The following MAT2B variants were observed in gnomAD, a reference collection of about 807,000 sequenced individuals.
The protein encoded by MAT2B is methionine adenosyltransferase 2 non-catalytic beta subunit.
In MAT2B, 16 loss-of-function variants were observed where a neutral mutation model predicts 36.1. The observed-to-expected ratio is 0.44, with a 90% CI of 0.30 to 0.67. The LOEUF (loss-of-function observed/expected upper bound fraction) is 0.67, where lower values mean the gene tolerates loss of function less well. Ranked by LOEUF, MAT2B falls within the 30% of genes least tolerant of loss-of-function variation. The probability of loss-of-function intolerance (pLI) is 0.09; values close to 1 mark genes in which losing one functional copy is unlikely to be tolerated. For synonymous variants in MAT2B, 148 were observed against 136.9 expected (o/e 1.08, Z -0.57); for missense variants, 332 against 398.2 (o/e 0.83, Z 1.42).
chr5:163,504,404 A>C (rs1759895075), upstream of MAT2B, among the ~76,000 whole-genome samples: 1 of 152,296 alleles, frequency 6.6e-6, no homozygotes. Flanking sequence ...TTATGTTTAC[A>C]CGAATAAGGA....
upstream of MAT2B, among the ~76,000 whole-genome samples, chr5:163,504,268 G>C (rs1435952147): frequency 6.6e-6 from 1 of 151,636 alleles, no homozygotes; most frequent in East Asian, 1.9e-4. Context: ...TTTAGCGCTG[G>C]GGCAGTCCTC....
intron 1 of MAT2B, among the ~76,000 whole-genome samples, chr5:163,506,444 T>G (rs299298): frequency 0.99 from 150,854 of 152,202 alleles, 74,770 homozygotes; most frequent in East Asian, 1. Context: ...GGTGCCCCCC[T>G]CGCCCCCGTC....
Position 163,517,872 on chromosome 5 carries a change from T to C in MAT2B, c.834+198T>C, listed in dbSNP as rs542042400. 3.4e-5 allele frequency: 17 copies of C among 506,112 alleles called. No individual in the cohort carries two copies. The South Asian group carries it at 5.7e-4, about 17-fold the overall frequency. The allele number at this position is 506,112 out of a possible 1,614,324, so 31.4% of individuals were successfully genotyped here. ...AGTTTGTAGAAAATGTATTATTGTC[T>C]TGATCATGACAGGCATTTGGTTTAT... On this transcript the variant is annotated intron_variant, in intron 6 of 6. Coordinates refer to ENST00000321757, the MANE Select transcript of MAT2B (RefSeq NM_013283.5).
At chr5:163,515,307 A>C (rs1760114227) in intron 4 of MAT2B, among the ~76,000 whole-genome samples, 2 of 152,240 alleles carry the variant, frequency 1.3e-5, no homozygotes, top group African/African-American at 4.8e-5. Context: ...ATAAAATCTA[A>C]ATATTAATGA....
upstream of MAT2B, among the ~76,000 whole-genome samples, chr5:163,504,007 T>C (rs1759889220): frequency 6.6e-6 from 1 of 152,214 alleles, no homozygotes; most frequent in Non-Finnish European, 1.5e-5. Flanking sequence ...TTAAATTCTT[T>C]CTGTTCCTCA....
chr5:163,504,574 T>C (rs1356507053), upstream of MAT2B, among the ~76,000 whole-genome samples: 2 of 152,234 alleles, frequency 1.3e-5, no homozygotes, highest in African/African-American at 2.4e-5. Context: ...GTCACGTTTG[T>C]GGACGACGTT....
Position 163,516,464 on chromosome 5 carries a change from A to T in MAT2B, c.527-54A>T, listed in dbSNP as rs1046572948. The stretch of plus-strand genomic sequence containing the variant: ...TTAAATCCACACCCTTGTATCTTAC[A>T]TCAAAATTTAAGAATCAGTCAGCTT... On this transcript the variant is annotated intron_variant, in intron 4 of 6. Transcript: ENST00000321757. The T allele has an allele frequency of 2.7e-6, 4 of 1,463,530 alleles. No homozygotes were observed. The African/African-American group carries it at 5.6e-5, about 20-fold the overall frequency. 90.7% of individuals were successfully genotyped at this position (1,463,530 alleles called of 1,614,324 possible).
At chr5:163,512,944 G>A (rs991302792) in intron 2 of MAT2B, 2 of 235,048 alleles carry the variant, frequency 8.5e-6, no homozygotes, top group African/African-American at 4.8e-5. Context: ...GCCTTCCAAA[G>A]TGCTGGGATT....
At chr5:163,510,020 A>T (rs1021286095) in intron 1 of MAT2B, among the ~76,000 whole-genome samples, 6 of 151,390 alleles carry the variant, frequency 4.0e-5, no homozygotes, top group African/African-American at 9.7e-5. Flanking sequence ...GGTGTCTTTT[A>T]AAAAAAAATG....
In MAT2B at chr5:163,512,088, G is replaced by C; in HGVS notation, c.150G>C (p.Gln50His). The C allele has an allele frequency of 1.2e-6, 2 of 1,614,162 alleles. No homozygotes were observed. The highest frequency in any genetic ancestry group is 1.7e-6 in the Non-Finnish European group (2 of 1,179,984). Residue 50 changes from glutamine (Q) to histidine (H), a missense_variant, in exon 2 of 7, where the codon CAG becomes CAC. Physicochemically the swap from Gln to His is conservative, Grantham distance 24. Coordinates refer to ENST00000321757, the MANE Select transcript of MAT2B (RefSeq NM_013283.5). ...GAGCTGTACACAAAGAATTTCAGCA[G>C]AATAATTGGCATGCAGTTGGCTGTG... is the stretch of plus-strand genomic sequence containing the variant. ...LGRAVHKEFQ[Q>H]NNWHAVGCGF...
In MAT2B at chr5:163,518,228, G is replaced by A. The variant is rs140070929; in HGVS notation, c.870G>A (p.Pro290=). Residue 290 remains proline, a synonymous_variant, in exon 7 of 7, where the codon CCG becomes CCA. Coordinates refer to ENST00000321757, the MANE Select transcript of MAT2B (RefSeq NM_013283.5). ...TDSPVLGAQR[P]RNAQLDCSKL... is the part of the protein sequence containing the mutation. Reference sequence around the variant, plus strand: ...GCCCTGTCCTAGGAGCACAACGTCCGAGAAATGCTCAGCTTGACTGCTCCA... The same window carrying A: ...GCCCTGTCCTAGGAGCACAACGTCCAAGAAATGCTCAGCTTGACTGCTCCA... 945 of 1,612,094 alleles carry A rather than the reference G, an allele frequency of 5.9e-4. 1 individual carries two copies. The highest frequency in any genetic ancestry group is 7.8e-4 in the Non-Finnish European group (918 of 1,179,368).
intron 1 of MAT2B, among the ~76,000 whole-genome samples, chr5:163,511,484 T>C (rs978903633): frequency 2.0e-5 from 3 of 146,690 alleles, no homozygotes; most frequent in Non-Finnish European, 4.5e-5. Flanking sequence ...GTTTTCACCA[T>C]GTTGCCTAGG....
At chr5:163,505,480 AGACC>A (rs1338708306), upstream of MAT2B, 27 of 1,220,808 alleles carry the variant, frequency 2.2e-5, no homozygotes, top group Non-Finnish European at 2.7e-5. Flanking sequence ...GGCTGGGGGC[AGACC>A]GCGCGTACCC....
At chr5:163,517,123 T>C (rs1419965081) in intron 5 of MAT2B, 1 of 246,804 alleles carries the variant, frequency 4.1e-6, no homozygotes, top group Non-Finnish European at 7.7e-6. Context: ...ATTAATAGGA[T>C]GACCACAGTT....
At chr5:163,512,278 G>A in intron 2 of MAT2B, 82 bp downstream of exon 2, 1 of 1,214,272 alleles carries the variant, frequency 8.2e-7, no homozygotes, top group South Asian at 1.2e-5. Flanking sequence ...TTGCTCTCAA[G>A]GAAATTACTA....
chr5:163,517,909 T>G lies in MAT2B; in HGVS notation c.834+235T>G, dbSNP rs1244462504. The G allele has an allele frequency of 1.2e-5, 6 of 485,654 alleles. No homozygotes were observed. In the Admixed American group the frequency reaches 2.1e-4, roughly 17 times the overall value. 30.1% of individuals were successfully genotyped at this position (485,654 alleles called of 1,614,324 possible). On this transcript the variant is annotated intron_variant, in intron 6 of 6. Coordinates refer to ENST00000321757, the MANE Select transcript of MAT2B (RefSeq NM_013283.5). Reference sequence around the variant, plus strand: ...GGCATTTGGTTTATTTTTCCAGGGATGATCAAATCAGATTTCTTACACTAA... The same window carrying G: ...GGCATTTGGTTTATTTTTCCAGGGAGGATCAAATCAGATTTCTTACACTAA...
rs143459228 is a variant in MAT2B at position 163,512,169 on chromosome 5, A to G, written c.231A>G (p.Ala77=). The change falls in exon 2 of 7, where the codon GCA becomes GCG. Residue 77 remains alanine (A), a synonymous_variant. Coordinates refer to ENST00000321757, the MANE Select transcript of MAT2B (RefSeq NM_013283.5). The part of the protein sequence containing the change: ...FEQVNLLDSN[A]VHHIIHDFQP... ...AGGTTAATCTGTTGGATTCTAATGC[A>G]GTTCATCACATCATTCATGATTTTC... 201 of 1,614,068 alleles carry G rather than the reference A, an allele frequency of 1.2e-4. No individual in the cohort carries two copies. Among genetic ancestry groups the G allele is most frequent in the Admixed American group, 5.2e-4 (31 of 60,028 alleles).
rs1235531507 is a variant in MAT2B at position 163,513,661 on chromosome 5, A to G, written c.365A>G (p.Lys122Arg). Reference sequence around the variant, plus strand: ...GTGGATGCTTCTGGGAATTTAGCAAAGGAAGCAGGTAATGATGACTTTATA... The same window carrying G: ...GTGGATGCTTCTGGGAATTTAGCAAGGGAAGCAGGTAATGATGACTTTATA... Reference protein sequence around the residue: ...LNVDASGNLAKEAAAVGAFLI... With the variant: ...LNVDASGNLAREAAAVGAFLI... The change falls in exon 3 of 7, where the codon AAG (lysine) becomes AGG (arginine). Residue 122 changes from lysine to arginine, a missense_variant. Physicochemically the swap from Lys to Arg is conservative, Grantham distance 26 (BLOSUM62 2). Coordinates refer to ENST00000321757, the MANE Select transcript of MAT2B (RefSeq NM_013283.5). 1 of 1,611,312 alleles carries G rather than the reference A, an allele frequency of 6.2e-7. No homozygotes were observed. The highest frequency in any genetic ancestry group is 1.3e-5 in the African/African-American group (1 of 74,976).
intron 1 of MAT2B, among the ~76,000 whole-genome samples, chr5:163,506,764 T>C (rs1339533192): frequency 6.6e-6 from 1 of 151,990 alleles, no homozygotes; most frequent in Non-Finnish European, 1.5e-5. Context: ...TGCATTTGTA[T>C]GTGTACGTGT....
Sources: allele counts gnomAD v4.1 joint callset (sites outside exome capture counted in the v4.1 genomes callset), GRCh38; gene constraint gnomAD v4.1.1; transcripts MANE v1.5; gene names NCBI Gene and HGNC (gene_info 2026-07-23, HGNC 2026-07-21).